The following NSMCE2 variants were observed in gnomAD, a reference collection of about 807,000 sequenced individuals.
NSMCE2 encodes the protein NSE2 SUMO ligase component of SMC5/6 complex.
In NSMCE2, 24 loss-of-function variants were observed where a neutral mutation model predicts 23.8. The observed-to-expected ratio is 1.01, with a 90% CI of 0.73 to 1.42. NSMCE2 has a LOEUF of 1.42. NSMCE2 is among the 40% of genes most tolerant of loss of function. NSMCE2 has a pLI of 0.00. For missense variants in NSMCE2, 284 were observed against 296.5 expected, an observed-to-expected ratio of 0.96 and a Z score of 0.31; for synonymous variants, 92 against 94.1, an observed-to-expected ratio of 0.98 and a Z score of 0.13.
chr8:125,258,966 G>A (rs539869216), intron 5 of NSMCE2, among the ~76,000 whole-genome samples: 48 of 152,284 alleles, frequency 3.2e-4, no homozygotes, highest in African/African-American at 1.1e-3. Context: ...GCAATGGCAC[G>A]ATCTCGGCTC....
Position 125,288,865 on chromosome 8 carries a change from G to T in NSMCE2, c.419-68354G>T, listed in dbSNP as rs552734837. Reference sequence around the variant, plus strand: ...GCTGGAGTGCAGTGGCTCGATCTTGGCTCACTGCAGCCTCAACCTCCCAGG... The same window carrying T: ...GCTGGAGTGCAGTGGCTCGATCTTGTCTCACTGCAGCCTCAACCTCCCAGG... On this transcript the variant is annotated intron_variant, in intron 5 of 7. Transcript: ENST00000287437. Among the ~76,000 whole-genome samples, 22 of 152,106 alleles carry T rather than the reference G, an allele frequency of 1.4e-4. No homozygotes were observed. The East Asian group carries it at 4.3e-3, about 29-fold the overall frequency.
At chr8:125,095,711 A>G (rs1234619844) in intron 1 of NSMCE2, among the ~76,000 whole-genome samples, 3 of 152,106 alleles carry the variant, frequency 2.0e-5, no homozygotes, top group African/African-American at 7.2e-5. Context: ...CCTGGCAAAC[A>G]TAGTGAAACC....
chr8:125,094,915 G>A (rs558378608), intron 1 of NSMCE2, among the ~76,000 whole-genome samples: 6 of 152,270 alleles, frequency 3.9e-5, no homozygotes, highest in East Asian at 1.9e-4. Flanking sequence ...GTGCAGTGGC[G>A]TGATCATGGC....
chr8:125,325,058 G>A (rs1419629425), intron 5 of NSMCE2, among the ~76,000 whole-genome samples: 1 of 152,028 alleles, frequency 6.6e-6, no homozygotes, highest in African/African-American at 2.4e-5. Context: ...GAACAGATGT[G>A]TACATTATCA....
intron 4 of NSMCE2, among the ~76,000 whole-genome samples, chr8:125,173,398 G>A (rs1021281475): frequency 6.6e-6 from 1 of 152,176 alleles, no homozygotes; most frequent in Non-Finnish European, 1.5e-5. Context: ...GGCTGTGGGA[G>A]AAACAATGTT....
intron 5 of NSMCE2, among the ~76,000 whole-genome samples, chr8:125,215,391 A>G (rs1002630123): frequency 6.6e-6 from 1 of 151,542 alleles, no homozygotes; most frequent in African/African-American, 2.4e-5. Flanking sequence ...TTATGGCTGC[A>G]TAGTATTCCA....
intron 5 of NSMCE2, among the ~76,000 whole-genome samples, chr8:125,337,623 G>A (rs1232303731): frequency 6.6e-6 from 1 of 152,172 alleles, no homozygotes; most frequent in Admixed American, 6.5e-5. Context: ...GGCCGGGCGT[G>A]GTGGCTCAAG....
intron 5 of NSMCE2, among the ~76,000 whole-genome samples, chr8:125,183,399 T>C (rs1822926133): frequency 6.8e-6 from 1 of 146,874 alleles, no homozygotes; most frequent in African/African-American, 2.7e-5. Flanking sequence ...ATATTTTAAG[T>C]TTATTTTTGT....
chr8:125,156,461 T>C (rs1021803279), intron 4 of NSMCE2, among the ~76,000 whole-genome samples: 1 of 152,200 alleles, frequency 6.6e-6, no homozygotes, highest in East Asian at 1.9e-4. Context: ...CAGCTACATA[T>C]TTGTTTTTTT....
At chr8:125,117,769 G>A (rs913816943) in intron 3 of NSMCE2, among the ~76,000 whole-genome samples, 5 of 152,056 alleles carry the variant, frequency 3.3e-5, no homozygotes, top group African/African-American at 1.2e-4. Context: ...GGTTTCCTGA[G>A]GACAAAGATC....
intron 5 of NSMCE2, among the ~76,000 whole-genome samples, chr8:125,315,204 A>G (rs904319688): frequency 5.3e-5 from 8 of 152,056 alleles, no homozygotes; most frequent in Non-Finnish European, 4.4e-5. Flanking sequence ...GGAGAAGTAG[A>G]TAGGTAAGGA....
intron 5 of NSMCE2, among the ~76,000 whole-genome samples, chr8:125,188,466 T>C (rs940450665): frequency 3.3e-5 from 5 of 152,168 alleles, no homozygotes; most frequent in African/African-American, 9.7e-5. Context: ...TGCCAGCCTA[T>C]TGTTGCTGTG....
intron 5 of NSMCE2, among the ~76,000 whole-genome samples, chr8:125,291,299 A>G (rs1828095004): frequency 6.6e-6 from 1 of 152,250 alleles, no homozygotes; most frequent in Non-Finnish European, 1.5e-5. Context: ...ATAAAAAACT[A>G]GTTTACATTA....
At chr8:125,147,370 G>T (rs1820747095) in intron 3 of NSMCE2, among the ~76,000 whole-genome samples, 1 of 152,184 alleles carries the variant, frequency 6.6e-6, no homozygotes, top group Non-Finnish European at 1.5e-5. Context: ...AGGAAGAGTT[G>T]CTATAATTCT....
At chr8:125,222,587 T>A (rs1292066128) in intron 5 of NSMCE2, among the ~76,000 whole-genome samples, 1 of 152,174 alleles carries the variant, frequency 6.6e-6, no homozygotes, top group Non-Finnish European at 1.5e-5. Context: ...TTAGCCTGTT[T>A]TAGATTCCAC....
At chr8:125,254,256 A>G (rs186325239) in intron 5 of NSMCE2, among the ~76,000 whole-genome samples, 1 of 152,294 alleles carries the variant, frequency 6.6e-6, no homozygotes, top group East Asian at 1.9e-4. Flanking sequence ...TGCATTTTTC[A>G]TATTCTATTT....
intron 5 of NSMCE2, among the ~76,000 whole-genome samples, chr8:125,341,873 C>CAATG (rs1830262888): frequency 8.7e-6 from 1 of 115,502 alleles, no homozygotes; most frequent in South Asian, 2.9e-4. Context: ...AGTCCATGTG[C>CAATG]AATGCACTGA....
intron 5 of NSMCE2, among the ~76,000 whole-genome samples, chr8:125,212,955 A>G (rs1020433775): frequency 1.3e-5 from 2 of 152,174 alleles, no homozygotes; most frequent in African/African-American, 2.4e-5. Context: ...TATGTTGTAG[A>G]CTTAATGTGA....
intron 5 of NSMCE2, among the ~76,000 whole-genome samples, chr8:125,207,153 G>GT (rs368008511): frequency 1.4e-3 from 209 of 147,084 alleles, no homozygotes; most frequent in Middle Eastern, 3.5e-3. Context: ...GAATTCACCA[G>GT]TTTTTTTTTT....
Sources: gnomAD v4.1 joint callset for allele counts (sites outside exome capture counted in the v4.1 genomes callset) on GRCh38, gnomAD v4.1.1 for gene constraint, MANE v1.5 for transcripts, NCBI Gene and HGNC (gene_info 2026-07-23, HGNC 2026-07-21) for gene names.